CDKL4: variants seen among roughly 807,000 people sequenced by gnomAD.
The protein encoded by CDKL4 is cyclin-dependent kinase-like 4.
A neutral mutation model predicts 42.0 loss-of-function variants in CDKL4; 44 were observed. That is an observed-to-expected ratio of 1.05 (90% CI 0.82 to 1.35). The LOEUF is 1.35. CDKL4 is among the 40% of genes most tolerant of loss of function. The pLI is 0.00. For synonymous variants in CDKL4, 120 were observed against 121.6 expected (o/e 0.99, Z 0.09); for missense variants, 393 against 369.9 (o/e 1.06, Z -0.51).
At chr2:39,220,976 C>CTTTTTTTTTGTTTT (rs1678289173) in intron 3 of CDKL4, among the ~76,000 whole-genome samples, 1 of 49,146 alleles carries the variant, frequency 2.0e-5, no homozygotes, top group Admixed American at 3.4e-4. Flanking sequence ...CATCGACGAT[C>CTTTTTTTTTGTTTT]TTTTTTTTTT....
intron 8 of CDKL4, among the ~76,000 whole-genome samples, chr2:39,182,432 G>A (rs1465794387): frequency 6.6e-6 from 1 of 152,194 alleles, no homozygotes; most frequent in African/African-American, 2.4e-5. Context: ...AGTCTGAGCT[G>A]GAACAATGTC....
At chr2:39,231,268 C>T (rs1307178268) in intron 1 of CDKL4, among the ~76,000 whole-genome samples, 2 of 152,118 alleles carry the variant, frequency 1.3e-5, no homozygotes, top group Admixed American at 6.5e-5. Context: ...ATTCGAAGAA[C>T]CACTTTATCC....
chr2:39,182,476 T>C (rs1675493717), intron 8 of CDKL4, among the ~76,000 whole-genome samples: 1 of 152,180 alleles, frequency 6.6e-6, no homozygotes, highest in Non-Finnish European at 1.5e-5. Flanking sequence ...ATGAGCTGAG[T>C]AGAATTGAGG....
At chr2:39,171,769 G>A (rs995987988), downstream of CDKL4, among the ~76,000 whole-genome samples, 1 of 152,212 alleles carries the variant, frequency 6.6e-6, no homozygotes, top group Non-Finnish European at 1.5e-5. Context: ...AGGAAACCAA[G>A]GTGGGAAGAG....
At chr2:39,225,146 T>C (rs887364481) in intron 3 of CDKL4, among the ~76,000 whole-genome samples, 5 of 152,118 alleles carry the variant, frequency 3.3e-5, no homozygotes, top group African/African-American at 1.2e-4. Context: ...GAGGGGTGTG[T>C]GTGCCAACAC....
intron 5 of CDKL4, among the ~76,000 whole-genome samples, chr2:39,192,233 A>C (rs761755614): frequency 3.1e-4 from 47 of 152,240 alleles, no homozygotes; most frequent in Non-Finnish European, 6.2e-4. Context: ...TGCTCACTGC[A>C]GAGAACATGA....
At chr2:39,168,412 G>A in the CDKL4 span, among the ~76,000 whole-genome samples, 1 of 152,126 alleles carries the variant, frequency 6.6e-6, no homozygotes, top group African/African-American at 2.4e-5. Context: ...CCAATTCTCA[G>A]CTTAAGCAAA....
At chr2:39,202,732 T>G (rs1329930330) in intron 5 of CDKL4, among the ~76,000 whole-genome samples, 1 of 152,236 alleles carries the variant, frequency 6.6e-6, no homozygotes, top group Non-Finnish European at 1.5e-5. Flanking sequence ...AACTTCCTTC[T>G]TTTGCATGTG....
chr2:39,224,846 T>G (rs140852147), intron 3 of CDKL4, among the ~76,000 whole-genome samples: 1 of 152,158 alleles, frequency 6.6e-6, no homozygotes, highest in Non-Finnish European at 1.5e-5. Flanking sequence ...AATTTTTGCA[T>G]GTGGAATCTG....
chr2:39,240,420 CAA>C (rs1186226288), intron 1 of CDKL4, among the ~76,000 whole-genome samples: 7 of 84,156 alleles, frequency 8.3e-5, no homozygotes, highest in Admixed American at 3.6e-4. Context: ...GACTTCGTCT[CAA>C]AAAAAAAAAA....
chr2:39,235,337 A>G (rs937756310), intron 1 of CDKL4, among the ~76,000 whole-genome samples: 1 of 152,130 alleles, frequency 6.6e-6, no homozygotes, highest in Admixed American at 6.5e-5. Context: ...AAGTAAAGGT[A>G]GAAACAAGAG....
chr2:39,178,843 G>A, intron 9 of CDKL4: 2 of 1,513,914 alleles, frequency 1.3e-6, no homozygotes, highest in Non-Finnish European at 1.8e-6. Context: ...CCTTTGCAAT[G>A]CTGGCAAAAC....
At chr2:39,203,777 C>T (rs1676993736) in intron 5 of CDKL4, among the ~76,000 whole-genome samples, 1 of 152,100 alleles carries the variant, frequency 6.6e-6, no homozygotes, top group Non-Finnish European at 1.5e-5. Flanking sequence ...TCTTTTCAGC[C>T]GCATGGCACA....
At chr2:39,213,431 A>C in exon 4 of CDKL4, 1 of 1,610,750 alleles carries the variant, frequency 6.2e-7, no homozygotes, top group Non-Finnish European at 8.5e-7. Context: ...AAGAGCTTGA[A>C]GTGTTTGCCA....
At position 39,204,565 on chromosome 2, in the gene CDKL4, A is replaced by G. The variant is rs1164987380; in HGVS notation, c.416T>C (p.Ile139Thr). The change falls in exon 5 of 10, where the codon ATA becomes ACA. Residue 139 changes from isoleucine (I) to threonine (T), a missense_variant. Coordinates refer to ENST00000451199, the Ensembl canonical transcript of CDKL4. The stretch of plus-strand genomic sequence containing the variant: ...AAACCCGAAGTCACAAATCTTGATT[A>G]TTCCTTGCTTAGTTATTAGAATATT... 3.1e-6 allele frequency: 5 copies of G among 1,609,936 alleles called. No homozygotes were observed. In the African/African-American group the frequency reaches 6.7e-5, roughly 22 times the overall value.
At chr2:39,246,301 TAAAGTC>T (rs1679910540), upstream of CDKL4, among the ~76,000 whole-genome samples, 1 of 152,208 alleles carries the variant, frequency 6.6e-6, no homozygotes, top group Non-Finnish European at 1.5e-5. Flanking sequence ...ACACTTCCAC[TAAAGTC>T]AAATACTCAT....
At chr2:39,170,277 CAAAAA>C in the CDKL4 span, among the ~76,000 whole-genome samples, 1 of 42,914 alleles carries the variant, frequency 2.3e-5, no homozygotes, top group Non-Finnish European at 5.3e-5. Flanking sequence ...ACCCTGTCTC[CAAAAA>C]AAAAAAAAAA....
At chr2:39,218,512 C>A (rs1348899218) in intron 3 of CDKL4, among the ~76,000 whole-genome samples, 2 of 152,074 alleles carry the variant, frequency 1.3e-5, no homozygotes, top group Non-Finnish European at 2.9e-5. Flanking sequence ...ACAAAAAAAA[C>A]CCAAAACATC....
rs1245057932 is a variant in CDKL4 at position 39,187,622 on chromosome 2, C to T, written c.735+5G>A. On this transcript the variant is annotated splice_donor_5th_base_variant and intron_variant, in intron 7 of 9. Transcript: ENST00000451199. ...TAATAAAATATTCAAAACAGAGCAG[C>T]TTACCATGTCTTCTGGCTCAGGTAT... The T allele has an allele frequency of 5.0e-6, 8 of 1,592,496 alleles. No homozygotes were observed. The highest frequency in any genetic ancestry group is 2.2e-5 in the East Asian group (1 of 44,666).
Sources: gnomAD v4.1 joint callset for allele counts (sites outside exome capture counted in the v4.1 genomes callset) on GRCh38, gnomAD v4.1.1 for gene constraint, MANE v1.5 for transcripts, NCBI Gene and HGNC (gene_info 2026-07-23, HGNC 2026-07-21) for gene names.